Variants in DGKD observed in about 807,000 individuals in gnomAD.
DGKD encodes DAG kinase delta.
In DGKD, 68 loss-of-function variants were observed where a neutral mutation model predicts 154.4. The ratio of observed to expected loss-of-function variants is 0.44; its 90% CI spans 0.36 to 0.54. The LOEUF (loss-of-function observed/expected upper bound fraction) is 0.54. Among genes scored for constraint, DGKD ranks in the 20% least tolerant of loss-of-function variants. The pLI is 0.00. For synonymous variants in DGKD, 693 were observed against 638.0 expected, an observed-to-expected ratio of 1.09 and a Z score of -1.30; for missense variants, 1,343 against 1,593.6, an observed-to-expected ratio of 0.84 and a Z score of 2.68.
Position 233,446,702 on chromosome 2 carries a change from G to T in DGKD, c.1335-10G>T, listed in dbSNP as rs760473947. Reference sequence around the variant, plus strand: ...TCTTGCCGCCTGTGCAGCTGACCTTGTGTGTGCAGGTGGAGCGTCATGGCA... The same window carrying T: ...TCTTGCCGCCTGTGCAGCTGACCTTTTGTGTGCAGGTGGAGCGTCATGGCA... On this transcript the variant is annotated splice_polypyrimidine_tract_variant and intron_variant, in intron 11 of 29. Transcript: ENST00000264057. The T allele has an allele frequency of 1.2e-6, 2 of 1,613,102 alleles. No homozygotes were observed. The highest frequency in any genetic ancestry group is 1.7e-6 in the Non-Finnish European group (2 of 1,179,802).
At chr2:233,468,799 C>T (rs77248153) in intron 29 of DGKD, among the ~76,000 whole-genome samples, 2,358 of 152,334 alleles carry the variant, frequency 0.015, 73 homozygotes, top group African/African-American at 0.054. Context: ...GCTACTCAGA[C>T]AAGGACTGTC....
chr2:233,394,650 C>CT (rs1190115688), intron 3 of DGKD, among the ~76,000 whole-genome samples: 3 of 133,444 alleles, frequency 2.2e-5, no homozygotes, highest in African/African-American at 8.2e-5. Context: ...TCCATCCTAA[C>CT]TTTTATCTTT....
At chr2:233,361,175 T>C (rs1701765251) in intron 1 of DGKD, among the ~76,000 whole-genome samples, 1 of 152,196 alleles carries the variant, frequency 6.6e-6, no homozygotes, top group Non-Finnish European at 1.5e-5. Flanking sequence ...GCAACAGTCC[T>C]GGGTGACACC....
rs549493871 is a variant in DGKD, at chr2:233,432,286, G to A, written c.349-2094G>A. 1.1e-3 allele frequency among the ~76,000 whole-genome samples: 117 copies of A among 102,830 alleles called. 1 individual carries two copies. The highest frequency in any genetic ancestry group is 3.1e-3 in the African/African-American group (96 of 30,504). The allele number at this position is 102,830 out of a possible 152,430, so 67.5% of individuals were successfully genotyped here. On this transcript the variant is annotated intron_variant, in intron 3 of 29. Transcript: ENST00000264057. ...CACGCCTGTAATCCCAGCACTTTGG[G>A]AGGCCAAGGTGGGCGGATCATGAGG... is the stretch of plus-strand genomic sequence containing the variant.
rs571968761 is a variant in DGKD at position 233,464,247 on chromosome 2, G to T, written c.3270G>T (p.Pro1090=). 5 of 1,613,468 alleles carry T rather than the reference G, an allele frequency of 3.1e-6. No homozygotes were observed. The highest frequency in any genetic ancestry group is 4.2e-6 in the Non-Finnish European group (5 of 1,180,038). The change falls in exon 27 of 30, where the codon CCG becomes CCT. Residue 1090 remains proline, a synonymous_variant. Coordinates refer to ENST00000264057, the MANE Select transcript of DGKD (RefSeq NM_152879.3). ...DRQLRRLADT[P]WLCQSAEPGD... Reference sequence around the variant, plus strand: ...AGCTCAGGAGGCTGGCAGACACCCCGTGGCTCTGCCAGTCCGCAGAGCCCG... The same window carrying T: ...AGCTCAGGAGGCTGGCAGACACCCCTTGGCTCTGCCAGTCCGCAGAGCCCG...
At chr2:233,432,257 T>A (rs113741199) in intron 3 of DGKD, among the ~76,000 whole-genome samples, 2 of 74,564 alleles carry the variant, frequency 2.7e-5, no homozygotes, top group Non-Finnish European at 3.1e-5. Flanking sequence ...CAGGCGTGGT[T>A]GCTCACGCCT....
chr2:233,449,795 G>A lies in DGKD; in HGVS notation c.1889-187G>A, dbSNP rs564698408. ...GACCTCCCAGCCTGTTAGCAGGGACGCCCTGCCCCAGTGCCAGGACCAGGG... is the reference window on the plus strand; with the variant it reads ...GACCTCCCAGCCTGTTAGCAGGGACACCCTGCCCCAGTGCCAGGACCAGGG... On this transcript the variant is annotated intron_variant, in intron 15 of 29. Coordinates refer to ENST00000264057, the MANE Select transcript of DGKD (RefSeq NM_152879.3). This position sits in a 1 kb window ranked among gnomAD's most constrained non-coding sequence, Gnocchi z 5.3. Among the ~76,000 whole-genome samples, 2 of 152,122 alleles carry A rather than the reference G, an allele frequency of 1.3e-5. No homozygotes were observed. Among genetic ancestry groups the A allele is most frequent in the Non-Finnish European group, 2.9e-5 (2 of 68,014 alleles).
At chr2:233,429,233 C>T in intron 3 of DGKD, 1 of 985,398 alleles carries the variant, frequency 1.0e-6, no homozygotes, top group Non-Finnish European at 1.2e-6. Context: ...CCTAAAACAT[C>T]TCCTTGTTGT....
chr2:233,423,178 T>C (rs925693896), intron 3 of DGKD, among the ~76,000 whole-genome samples: 33 of 152,338 alleles, frequency 2.2e-4, no homozygotes, highest in African/African-American at 7.9e-4. Flanking sequence ...CCGAATAGTT[T>C]CCAGCTTTTG....
Position 233,440,326 on chromosome 2 carries a change from T to A in DGKD, c.1086-1561T>A, listed in dbSNP as rs577307179. 1.3e-5 allele frequency among the ~76,000 whole-genome samples: 2 copies of A among 152,084 alleles called. No homozygotes were observed. Among genetic ancestry groups the A allele is most frequent in the Non-Finnish European group, 2.9e-5 (2 of 68,000 alleles). ...TGTGGAGCCTGGGCTTGGTGCCGCATCACCTATGCCTGTCTGTCTTCTGAG... is the reference window on the plus strand; with the variant it reads ...TGTGGAGCCTGGGCTTGGTGCCGCAACACCTATGCCTGTCTGTCTTCTGAG... On this transcript the variant is annotated intron_variant, in intron 9 of 29. Coordinates refer to ENST00000264057, the MANE Select transcript of DGKD (RefSeq NM_152879.3). This position sits in a 1 kb window ranked among gnomAD's most constrained non-coding sequence, Gnocchi z 4.9.
chr2:233,364,584 G>A (rs1701935926), intron 1 of DGKD, among the ~76,000 whole-genome samples: 1 of 152,164 alleles, frequency 6.6e-6, no homozygotes, highest in Non-Finnish European at 1.5e-5. Flanking sequence ...ACAAGTCAGG[G>A]ATGCATGTTG....
At position 233,354,899 on chromosome 2, in the gene DGKD, G is replaced by T; in HGVS notation, c.156+225G>T. On this transcript the variant is annotated intron_variant, in intron 1 of 29. Transcript: ENST00000264057. This position sits in a 1 kb window ranked among gnomAD's most constrained non-coding sequence, Gnocchi z 4.8. Reference sequence around the variant, plus strand: ...ACGGCGGGCGGCTGTGGGGCCGGGCGGGGGGCGCGCAGGTGGGCGCCCCGG... The same window carrying T: ...ACGGCGGGCGGCTGTGGGGCCGGGCTGGGGGCGCGCAGGTGGGCGCCCCGG... Among the ~76,000 whole-genome samples, 1 of 145,146 alleles carries T rather than the reference G, an allele frequency of 6.9e-6. No individual in the cohort carries two copies. Among genetic ancestry groups the T allele is most frequent in the Non-Finnish European group, 1.5e-5 (1 of 65,532 alleles).
intron 3 of DGKD, among the ~76,000 whole-genome samples, chr2:233,423,987 G>A (rs1040518645): frequency 6.6e-6 from 1 of 152,096 alleles, no homozygotes; most frequent in Non-Finnish European, 1.5e-5. Flanking sequence ...ATTTTCTGAT[G>A]CCCATGGTTT....
At chr2:233,357,979 G>C (rs1701606766) in intron 1 of DGKD, among the ~76,000 whole-genome samples, 2 of 152,164 alleles carry the variant, frequency 1.3e-5, no homozygotes, top group Non-Finnish European at 2.9e-5. Context: ...TAGATCTTTA[G>C]CATATTGAAA....
At chr2:233,456,601 G>T (rs1052629543) in intron 19 of DGKD, among the ~76,000 whole-genome samples, 6 of 152,134 alleles carry the variant, frequency 3.9e-5, no homozygotes, top group Non-Finnish European at 5.9e-5. Flanking sequence ...AAATCAGGAT[G>T]TGTAGAAGTT....
intron 3 of DGKD, among the ~76,000 whole-genome samples, chr2:233,428,739 A>G (rs1459595091): frequency 6.6e-6 from 1 of 152,172 alleles, no homozygotes; most frequent in Non-Finnish European, 1.5e-5. Flanking sequence ...GGTTGCTTCT[A>G]GCATCACTTT....
intron 3 of DGKD, among the ~76,000 whole-genome samples, chr2:233,394,373 G>A (rs921795081): frequency 6.6e-6 from 1 of 152,018 alleles, no homozygotes; most frequent in African/African-American, 2.4e-5. Flanking sequence ...CTCCCAGTTA[G>A]CTGGGACTAC....
chr2:233,457,069 C>T lies in DGKD; in HGVS notation c.2472+74C>T. The T allele has an allele frequency of 7.2e-7, 1 of 1,392,560 alleles. No individual in the cohort carries two copies. The highest frequency in any genetic ancestry group is 1.0e-6 in the Non-Finnish European group (1 of 979,768). 86.3% of individuals were successfully genotyped at this position (1,392,560 alleles called of 1,614,324 possible). On this transcript the variant is annotated intron_variant, in intron 20 of 29. Coordinates refer to ENST00000264057, the MANE Select transcript of DGKD (RefSeq NM_152879.3). This position sits in a 1 kb window ranked among gnomAD's most constrained non-coding sequence, Gnocchi z 5.5. ...CAGACTGCCAGGCCTATTGCTTCTC[C>T]TGTTGACCATTTCCTCCATGCACAG...
Position 233,470,290 on chromosome 2 carries a change from T to C in DGKD, c.*830T>C, listed in dbSNP as rs1301204896. ...CATCCCTGCAGACAGAGGATGTGTGTCCACATGAGTGTTTCTGTGTGGGAA... is the reference window on the plus strand; with the variant it reads ...CATCCCTGCAGACAGAGGATGTGTGCCCACATGAGTGTTTCTGTGTGGGAA... On this transcript the variant is annotated 3_prime_UTR_variant, in exon 30 of 30. Coordinates refer to ENST00000264057, the MANE Select transcript of DGKD (RefSeq NM_152879.3). 1.3e-5 allele frequency: 2 copies of C among 152,494 alleles called. No individual in the cohort carries two copies. The highest frequency in any genetic ancestry group is 4.8e-5 in the African/African-American group (2 of 41,470). The allele number at this position is 152,494 out of a possible 1,614,324, so 9.4% of individuals were successfully genotyped here.
Sources: allele counts gnomAD v4.1 joint callset (sites outside exome capture counted in the v4.1 genomes callset), GRCh38; gene constraint gnomAD v4.1.1; non-coding constraint Gnocchi (gnomAD v3.1); transcripts MANE v1.5; gene names NCBI Gene and HGNC (gene_info 2026-07-23, HGNC 2026-07-21).